PRSS58: variants seen among roughly 807,000 people sequenced by gnomAD.
The protein encoded by PRSS58 is serine protease 58, also known as protease, serine 58.
In PRSS58, 31 loss-of-function variants were observed where a neutral mutation model predicts 25.0. The observed-to-expected ratio is 1.24, with a 90% CI of 0.93 to 1.67. PRSS58 has a LOEUF of 1.67. Among genes scored for constraint, PRSS58 ranks in the 40% most tolerant of loss-of-function variants. The pLI is 0.00. For missense variants in PRSS58, 324 were observed against 287.9 expected (o/e 1.13, Z -0.91); for synonymous variants, 119 against 106.1 (o/e 1.12, Z -0.75).
chr7:142,255,651 A>G lies in PRSS58; in HGVS notation c.63T>C (p.Asp21=), dbSNP rs146570797. The part of the protein sequence containing the change: ...NLTVALAFNP[D]YTVSSTPPYL... ...AAGGGGGAGTGGAGCTGACTGTGTA[A>G]TCTGGATTAAAGGCCAAAGCAACTG... The change falls in exon 3 of 6, where the codon GAT becomes GAC. Residue 21 remains aspartate (D), a synonymous_variant. Coordinates refer to ENST00000547058, the MANE Select transcript of PRSS58 (RefSeq NM_001001317.5). 4.0e-4 allele frequency: 649 copies of G among 1,612,988 alleles called. 4 individuals carry two copies. In the African/African-American group the frequency reaches 8.1e-3, roughly 20 times the overall value.
chr7:142,254,110 T>C (rs914119615), intron 4 of PRSS58, among the ~76,000 whole-genome samples: 2 of 152,158 alleles, frequency 1.3e-5, no homozygotes, highest in African/African-American at 4.8e-5. Flanking sequence ...TTTCATACTA[T>C]GGTATCTAGT....
intron 2 of PRSS58, among the ~76,000 whole-genome samples, chr7:142,256,793 C>A (rs1237961321): frequency 6.6e-6 from 1 of 152,094 alleles, no homozygotes; most frequent in Admixed American, 6.5e-5. Flanking sequence ...CAGAGTATAA[C>A]TTCATGGGCA....
intron 2 of PRSS58, among the ~76,000 whole-genome samples, chr7:142,256,144 T>C (rs1798552201): frequency 6.6e-6 from 1 of 152,228 alleles, no homozygotes; most frequent in African/African-American, 2.4e-5. Context: ...GGAAAAATAA[T>C]GTATTGTTTT....
chr7:142,252,314 A>T lies in PRSS58; in HGVS notation c.633T>A (p.Phe211Leu). Residue 211 changes from phenylalanine to leucine, a missense_variant, in exon 6 of 6, where the codon TTT (phenylalanine) becomes TTA (leucine). Physicochemically the swap from Phe to Leu is conservative, Grantham distance 22 (BLOSUM62 0). Transcript: ENST00000547058. Reference sequence around the variant, plus strand: ...CAGCTCTCAAAACACATCCATCCGCAAAAGACAGGATTCCTTGAAGCATCC... The same window carrying T: ...CAGCTCTCAAAACACATCCATCCGCTAAAGACAGGATTCCTTGAAGCATCC... ...CNGMLQGILSFADGCVLRADV... is the reference protein window; with the variant it reads ...CNGMLQGILSLADGCVLRADV... The T allele has an allele frequency of 6.2e-7, 1 of 1,614,188 alleles. No individual in the cohort carries two copies. The highest frequency in any genetic ancestry group is 1.1e-5 in the South Asian group (1 of 91,080).
intron 2 of PRSS58, among the ~76,000 whole-genome samples, chr7:142,256,758 T>A (rs905074618): frequency 6.6e-6 from 1 of 152,198 alleles, no homozygotes; most frequent in African/African-American, 2.4e-5. Flanking sequence ...ATTACTCCAG[T>A]CTCAGGTAAT....
chr7:142,257,784 A>C, intron 1 of PRSS58, 36 bp from the exon 2 acceptor site: 1 of 1,177,112 alleles, frequency 8.5e-7, no homozygotes, highest in Non-Finnish European at 1.3e-6. Context: ...AAATAAAACA[A>C]AGCAAGATTG....
At chr7:142,255,385 C>A in intron 3 of PRSS58, 74 bp from the exon 4 acceptor site, 1 of 1,580,770 alleles carries the variant, frequency 6.3e-7, no homozygotes, top group Non-Finnish European at 8.6e-7. Context: ...TCTATTATCC[C>A]TCCCCACAGA....
intron 4 of PRSS58, among the ~76,000 whole-genome samples, chr7:142,254,196 T>C (rs578054334): frequency 1.2e-3 from 184 of 152,326 alleles, no homozygotes; most frequent in Admixed American, 4.6e-3. Flanking sequence ...AGGGATTATA[T>C]ATCATTGTTC....
Position 142,257,737 on chromosome 7 carries a change from G to T in PRSS58, c.-30C>A. 6.3e-7 allele frequency: 1 copy of T among 1,598,240 alleles called. No individual in the cohort carries two copies. Among genetic ancestry groups the T allele is most frequent in the Non-Finnish European group, 8.6e-7 (1 of 1,166,078 alleles). On this transcript the variant is annotated 5_prime_UTR_variant, in exon 2 of 6. In the 5' UTR this introduces an upstream ATG that the reference lacks. Coordinates refer to ENST00000547058, the MANE Select transcript of PRSS58 (RefSeq NM_001001317.5). ...ATGTTGAAAGCCCAGTTTAGCTCCA[G>T]TCTCTGGAAAACTGGGAAGAGAGAG...
intron 4 of PRSS58, 112 bp downstream of exon 4, chr7:142,254,943 G>C (rs1798527136): frequency 1.9e-6 from 2 of 1,077,204 alleles, no homozygotes; most frequent in Non-Finnish European, 2.7e-6. Flanking sequence ...GAAAAGGAAA[G>C]GGGGGAAAGA....
At position 142,255,100 on chromosome 7, in the gene PRSS58, T is replaced by G; in HGVS notation, c.391A>C (p.Thr131Pro). 6.2e-7 allele frequency: 1 copy of G among 1,614,040 alleles called. No homozygotes were observed. Residue 131 changes from threonine (T) to proline (P), a missense_variant, in exon 4 of 6, where the codon ACC becomes CCC. Transcript: ENST00000547058. ...CTCCAGGTAGAGACAGAGCACATGG[T>G]ATTTTCAGAGATAGTTTGGTAGGGC... ...NLPYQTISEN[T>P]MCSVSTWSYN...
chr7:142,254,955 G>T, intron 4 of PRSS58, 100 bp downstream of exon 4: 2 of 1,197,424 alleles, frequency 1.7e-6, no homozygotes, highest in East Asian at 2.3e-5. Flanking sequence ...GGGGAAAGAG[G>T]TTAGAAGAAA....
In PRSS58 at chr7:142,255,524, T is replaced by C. The variant is rs140508210; in HGVS notation, c.179+11A>G. 2 of 1,614,024 alleles carry C rather than the reference T, an allele frequency of 1.2e-6. No individual in the cohort carries two copies. Among genetic ancestry groups the C allele is most frequent in the African/African-American group, 2.7e-5 (2 of 75,030 alleles). ...CAAAGAATGGAGTGCCTTTGAAGGC[T>C]TATCACTCACGGTAAATTGCAGTGT... On this transcript the variant is annotated intron_variant, in intron 3 of 5. Transcript: ENST00000547058.
At chr7:142,252,731 C>T in intron 4 of PRSS58, 120 bp from the exon 5 acceptor site, 1 of 1,097,302 alleles carries the variant, frequency 9.1e-7, no homozygotes, top group Admixed American at 2.6e-5. Context: ...TCAGAGAAGT[C>T]AGAACTGTGG....
intron 2 of PRSS58, among the ~76,000 whole-genome samples, chr7:142,256,578 G>A (rs1305505568): frequency 6.6e-6 from 1 of 152,112 alleles, no homozygotes; most frequent in Non-Finnish European, 1.5e-5. Flanking sequence ...ACCCTCCTGA[G>A]TAGCTTGGAC....
chr7:142,255,307 G>A lies in PRSS58; in HGVS notation c.184C>T (p.Leu62Phe). 2 of 1,613,510 alleles carry A rather than the reference G, an allele frequency of 1.2e-6. No homozygotes were observed. Among genetic ancestry groups the A allele is most frequent in the South Asian group, 1.1e-5 (1 of 91,038 alleles). Residue 62 changes from leucine to phenylalanine, a missense_variant, in exon 4 of 6, where the codon CTT (leucine) becomes TTT (phenylalanine). By Grantham distance (22) the Leu-to-Phe change is conservative (BLOSUM62 0). Coordinates refer to ENST00000547058, the MANE Select transcript of PRSS58 (RefSeq NM_001001317.5). ...ITAAHCNLPK[L>F]RVILGVTIPA... Reference sequence around the variant, plus strand: ...ATTGTAACCCCCAATATCACCCGAAGCTTTCTGGAACAATATAGACGTTTA... The same window carrying A: ...ATTGTAACCCCCAATATCACCCGAAACTTTCTGGAACAATATAGACGTTTA...
intron 4 of PRSS58, among the ~76,000 whole-genome samples, chr7:142,253,632 G>A (rs1547389): frequency 0.18 from 27,677 of 151,860 alleles, 3,369 homozygotes; most frequent in African/African-American, 0.34. Context: ...GTTTTTATTT[G>A]AAAATAATGT....
In PRSS58 at chr7:142,255,647, T is replaced by C. The variant is rs916649968; in HGVS notation, c.67A>G (p.Thr23Ala). 6.2e-7 allele frequency: 1 copy of C among 1,613,148 alleles called. No individual in the cohort carries two copies. Among genetic ancestry groups the C allele is most frequent in the African/African-American group, 1.3e-5 (1 of 74,900 alleles). ...AAGTAAGGGGGAGTGGAGCTGACTG[T>C]GTAATCTGGATTAAAGGCCAAAGCA... ...TVALAFNPDY[T>A]VSSTPPYLVY... Residue 23 changes from threonine (T) to alanine (A), a missense_variant, in exon 3 of 6, where the codon ACA becomes GCA. Thr to Ala is a moderately conservative substitution (Grantham distance 58). Transcript: ENST00000547058.
intron 2 of PRSS58, among the ~76,000 whole-genome samples, chr7:142,256,306 G>A (rs527939223): frequency 1.3e-5 from 2 of 152,246 alleles, no homozygotes; most frequent in East Asian, 1.9e-4. Flanking sequence ...AAACTATGTA[G>A]GATGTTAAAT....
Sources: gnomAD v4.1 joint callset for allele counts (sites outside exome capture counted in the v4.1 genomes callset) on GRCh38, gnomAD v4.1.1 for gene constraint, MANE v1.5 for transcripts, NCBI Gene and HGNC (gene_info 2026-07-23, HGNC 2026-07-21) for gene names.